The following MACROD2 variants were observed in gnomAD, a reference collection of about 807,000 sequenced individuals.
The protein encoded by MACROD2 is mono-ADP ribosylhydrolase 2.
In MACROD2, 36 loss-of-function variants were observed where a neutral mutation model predicts 70.4. The ratio of observed to expected loss-of-function variants is 0.51; its 90% CI spans 0.39 to 0.68. MACROD2 has a LOEUF of 0.68. Among genes scored for constraint, MACROD2 ranks in the 30% least tolerant of loss-of-function variants. MACROD2 has a pLI of 0.00. For missense variants in MACROD2, 496 were observed against 538.4 expected, an observed-to-expected ratio of 0.92 and a Z score of 0.78; for synonymous variants, 172 against 178.8, an observed-to-expected ratio of 0.96 and a Z score of 0.30.
At chr20:15,639,986 TGA>T (rs1456985564) in intron 8 of MACROD2, among the ~76,000 whole-genome samples, 3 of 101,398 alleles carry the variant, frequency 3.0e-5, no homozygotes, top group East Asian at 2.9e-4. Context: ...AAAGAGGGGG[TGA>T]GAGAGAAGGA....
At chr20:15,621,924 A>G (rs1425192725) in intron 8 of MACROD2, among the ~76,000 whole-genome samples, 2 of 152,168 alleles carry the variant, frequency 1.3e-5, no homozygotes, top group African/African-American at 4.8e-5. Context: ...TGCCATTTTT[A>G]GATATATTTG....
chr20:15,126,335 G>A (rs1409537533), intron 5 of MACROD2, among the ~76,000 whole-genome samples: 3 of 151,848 alleles, frequency 2.0e-5, no homozygotes, highest in Non-Finnish European at 2.9e-5. Flanking sequence ...CAATTTGCCC[G>A]CATGGTTGCC....
intron 10 of MACROD2, among the ~76,000 whole-genome samples, chr20:15,906,871 A>G (rs1007216584): frequency 6.6e-6 from 1 of 152,124 alleles, no homozygotes; most frequent in Admixed American, 6.5e-5. Context: ...CATTATCTCA[A>G]TTTGTCCCAT....
intron 3 of MACROD2, among the ~76,000 whole-genome samples, chr20:14,119,158 GATTT>G (rs1336955882): frequency 6.2e-5 from 5 of 80,766 alleles, no homozygotes; most frequent in African/African-American, 2.0e-4. Flanking sequence ...AAATGACTGT[GATTT>G]TTTTTTTTTT....
chr20:14,392,203 G>T (rs2083534114), intron 3 of MACROD2, among the ~76,000 whole-genome samples: 1 of 151,694 alleles, frequency 6.6e-6, no homozygotes, highest in African/African-American at 2.4e-5. Context: ...TTCAAGAATT[G>T]TTATGTATTT....
intron 12 of MACROD2, among the ~76,000 whole-genome samples, chr20:15,962,161 A>G (rs1425101962): frequency 1.3e-5 from 2 of 152,208 alleles, no homozygotes; most frequent in Admixed American, 1.3e-4. Context: ...TTCTCCCACT[A>G]TCAACCTTTA....
intron 8 of MACROD2, among the ~76,000 whole-genome samples, chr20:15,790,961 C>T (rs998411215): frequency 6.6e-6 from 1 of 151,866 alleles, no homozygotes; most frequent in Admixed American, 6.6e-5. Flanking sequence ...TTCATTTTCT[C>T]TATATCTGTT....
intron 5 of MACROD2, among the ~76,000 whole-genome samples, chr20:14,801,353 C>T (rs2072573247): frequency 6.6e-6 from 1 of 152,100 alleles, no homozygotes; most frequent in Admixed American, 6.6e-5. Context: ...ATCATTAGAC[C>T]AATTTGTCCA....
At chr20:14,347,542 T>C (rs1251380577) in intron 3 of MACROD2, among the ~76,000 whole-genome samples, 1 of 152,112 alleles carries the variant, frequency 6.6e-6, no homozygotes, top group Non-Finnish European at 1.5e-5. Flanking sequence ...AATATGGAGA[T>C]GTGTTACTAG....
chr20:15,997,473 G>T (rs952882601), intron 15 of MACROD2, among the ~76,000 whole-genome samples: 1 of 151,968 alleles, frequency 6.6e-6, no homozygotes, highest in African/African-American at 2.4e-5. Flanking sequence ...ACTATAAATG[G>T]ATAGTTTTCT....
rs199948352 is a variant in MACROD2, at chr20:14,464,513, G to C, written c.272-28966G>C. ...CCTGGATTCATTGATTTTTTAAAGGGTTTTTTGTGTCTCTGTTTCCTTCAG... is the reference window on the plus strand; with the variant it reads ...CCTGGATTCATTGATTTTTTAAAGGCTTTTTTGTGTCTCTGTTTCCTTCAG... On this transcript the variant is annotated intron_variant, in intron 3 of 17. Transcript: ENST00000684519. 1.3e-4 allele frequency among the ~76,000 whole-genome samples: 20 copies of C among 152,036 alleles called. No homozygotes were observed. The East Asian group carries it at 3.9e-3, about 29-fold the overall frequency.
chr20:16,033,672 A>C (rs2067184598), intron 15 of MACROD2, among the ~76,000 whole-genome samples: 1 of 152,032 alleles, frequency 6.6e-6, no homozygotes, highest in Non-Finnish European at 1.5e-5. Context: ...CAAAACCAAG[A>C]CTCTGGAAGT....
chr20:14,387,075 T>C (rs142234902), intron 3 of MACROD2, among the ~76,000 whole-genome samples: 10 of 152,358 alleles, frequency 6.6e-5, no homozygotes, highest in African/African-American at 1.9e-4. Flanking sequence ...TGAATTTCTT[T>C]TTTGTCCATA....
intron 5 of MACROD2, among the ~76,000 whole-genome samples, chr20:14,733,609 A>G (rs750960247): frequency 6.6e-6 from 1 of 152,212 alleles, no homozygotes; most frequent in Non-Finnish European, 1.5e-5. Context: ...GTAAATCTAC[A>G]CACAGATAAC....
intron 4 of MACROD2, among the ~76,000 whole-genome samples, chr20:14,620,346 A>G (rs1170109024): frequency 6.6e-6 from 1 of 152,020 alleles, no homozygotes; most frequent in Non-Finnish European, 1.5e-5. Flanking sequence ...CCAACCTAAG[A>G]TGGATGCGTA....
Position 15,811,257 on chromosome 20 carries a change from C to T in MACROD2, c.646-51488C>T, listed in dbSNP as rs1469562439. Among the ~76,000 whole-genome samples, 101 of 151,230 alleles carry T rather than the reference C, an allele frequency of 6.7e-4. 1 individual carries two copies. The highest frequency in any genetic ancestry group is 3.4e-3 in the Middle Eastern group (1 of 292). On this transcript the variant is annotated intron_variant, in intron 8 of 17. Coordinates refer to ENST00000684519, the MANE Select transcript of MACROD2 (RefSeq NM_001351661.2). ...AATTTACAAGAAAAAAACAAACAACCCCATCAAAAAGTGGGCAAAGGATAT... is the reference window on the plus strand; with the variant it reads ...AATTTACAAGAAAAAAACAAACAACTCCATCAAAAAGTGGGCAAAGGATAT...
At chr20:14,988,520 G>T (rs2423902) in intron 5 of MACROD2, among the ~76,000 whole-genome samples, 10,677 of 152,166 alleles carry the variant, frequency 0.07, 732 homozygotes, top group African/African-American at 0.17. Context: ...TCAAGAAACA[G>T]GAAGGAAGGG....
At chr20:15,952,219 G>A (rs761080523) in intron 12 of MACROD2, among the ~76,000 whole-genome samples, 3 of 151,942 alleles carry the variant, frequency 2.0e-5, no homozygotes, top group East Asian at 1.9e-4. Context: ...TTTTCTTCCC[G>A]GTCTTGAGTA....
intron 7 of MACROD2, among the ~76,000 whole-genome samples, chr20:15,497,654 T>C: frequency 6.6e-6 from 1 of 152,154 alleles, no homozygotes; most frequent in Admixed American, 6.5e-5. Flanking sequence ...CGTTCATTTT[T>C]CCTAACCTTT....
Sources: gnomAD v4.1 joint callset for allele counts (sites outside exome capture counted in the v4.1 genomes callset) on GRCh38, gnomAD v4.1.1 for gene constraint, MANE v1.5 for transcripts, NCBI Gene and HGNC (gene_info 2026-07-23, HGNC 2026-07-21) for gene names.